Variants in SLIT1 observed in about 807,000 individuals in gnomAD.
The protein encoded by SLIT1 is slit homolog 1 protein.
In SLIT1, 66 loss-of-function variants were observed where a neutral mutation model predicts 186.1. The ratio of observed to expected loss-of-function variants is 0.35; its 90% CI spans 0.29 to 0.44. The LOEUF (loss-of-function observed/expected upper bound fraction) is 0.44, where lower values mean the gene tolerates loss of function less well. Among genes scored for constraint, SLIT1 ranks in the 20% least tolerant of loss-of-function variants. The pLI is 1.00. For missense variants in SLIT1, 1,638 were observed against 2,037.4 expected, an observed-to-expected ratio of 0.80 and a Z score of 3.77; for synonymous variants, 761 against 833.8, an observed-to-expected ratio of 0.91 and a Z score of 1.50.
intron 4 of SLIT1, 100 bp downstream of exon 4, chr10:97,157,718 T>C: frequency 1.1e-6 from 1 of 871,668 alleles, no homozygotes; most frequent in Non-Finnish European, 1.9e-6. Context: ...AGGGTCAGGG[T>C]CATGGGAATA....
Position 97,014,072 on chromosome 10 carries a change from A to T in SLIT1, c.3056T>A (p.Val1019Asp). The change falls in exon 29 of 37, where the codon GTC becomes GAC. Residue 1019 changes from valine (V) to aspartate (D), a missense_variant. By Grantham distance (152) the Val-to-Asp change is radical. Coordinates refer to ENST00000266058, the MANE Select transcript of SLIT1 (RefSeq NM_003061.3). ...CVDHACANGGVCVDGVGNYTC... is the reference protein window; with the variant it reads ...CVDHACANGGDCVDGVGNYTC... Reference sequence around the variant, plus strand: ...GTAGTTGCCCACACCATCCACACAGACGCCCCCATTGGCACAGGCATGATC... The same window carrying T: ...GTAGTTGCCCACACCATCCACACAGTCGCCCCCATTGGCACAGGCATGATC... The T allele has an allele frequency of 6.2e-7, 1 of 1,613,406 alleles. No individual in the cohort carries two copies. Among genetic ancestry groups the T allele is most frequent in the Non-Finnish European group, 8.5e-7 (1 of 1,179,862 alleles).
intron 4 of SLIT1, among the ~76,000 whole-genome samples, chr10:97,151,555 G>A (rs1404960085): frequency 6.6e-6 from 1 of 151,618 alleles, no homozygotes; most frequent in Non-Finnish European, 1.5e-5. Context: ...GGCAGTGGTT[G>A]ATAACTAGGT....
chr10:97,180,567 G>C (rs1850322567), intron 1 of SLIT1, among the ~76,000 whole-genome samples: 1 of 152,216 alleles, frequency 6.6e-6, no homozygotes, highest in African/African-American at 2.4e-5. Context: ...TTGAATGAGG[G>C]AATTAAACCC....
rs112255943 is a variant in SLIT1 at position 97,078,841 on chromosome 10, C to T, written c.414-12755G>A. Among the ~76,000 whole-genome samples the T allele has an allele frequency of 4.3e-3, 649 of 152,312 alleles. 2 individuals are homozygous for T. Among genetic ancestry groups the T allele is most frequent in the African/African-American group, 0.015 (605 of 41,582 alleles). On this transcript the variant is annotated intron_variant, in intron 4 of 36. Coordinates refer to ENST00000266058, the MANE Select transcript of SLIT1 (RefSeq NM_003061.3). ...GTGCTGGGCGCGGAGACCTTGGAGG[C>T]CCCTGGTGACCTGCTAGTCCTGGGC...
At chr10:97,155,709 C>T (rs1300484203) in intron 4 of SLIT1, among the ~76,000 whole-genome samples, 1 of 152,078 alleles carries the variant, frequency 6.6e-6, no homozygotes, top group African/African-American at 2.4e-5. Context: ...GGAGAAGGGA[C>T]CCAAGTAGGC....
chr10:97,048,899 G>A (rs1172960940), intron 14 of SLIT1, 56 bp downstream of exon 14: 1 of 1,539,550 alleles, frequency 6.5e-7, no homozygotes, highest in Non-Finnish European at 8.8e-7. Context: ...AGGCCGGTGG[G>A]CAGGTGGGCA....
chr10:97,115,974 A>G (rs115832610), intron 4 of SLIT1, among the ~76,000 whole-genome samples: 2,230 of 152,326 alleles, frequency 0.015, 49 homozygotes, highest in African/African-American at 0.05. Flanking sequence ...CAGGGGGCCG[A>G]GTTGACAGAG....
At chr10:97,007,883 C>T (rs546941489) in intron 31 of SLIT1, among the ~76,000 whole-genome samples, 1 of 151,624 alleles carries the variant, frequency 6.6e-6, no homozygotes, top group South Asian at 2.1e-4. Flanking sequence ...TTAGGAACAA[C>T]ACAAGGATAT....
chr10:97,183,971 C>T (rs1038415425), intron 1 of SLIT1, among the ~76,000 whole-genome samples: 1 of 151,606 alleles, frequency 6.6e-6, no homozygotes, highest in Non-Finnish European at 1.5e-5. Flanking sequence ...ACCACCTCTC[C>T]CCAGCCCTGT....
At position 97,021,122 on chromosome 10, in the gene SLIT1, C is replaced by A. The variant is rs1166249574; in HGVS notation, c.2746+128G>T. 1.2e-6 allele frequency: 1 copy of A among 812,962 alleles called. No homozygotes were observed. Among genetic ancestry groups the A allele is most frequent in the Non-Finnish European group, 1.8e-6 (1 of 542,228 alleles). The allele number at this position is 812,962 out of a possible 1,614,324, so 50.4% of individuals were successfully genotyped here. On this transcript the variant is annotated intron_variant, in intron 26 of 36. Transcript: ENST00000266058. The surrounding 1 kb of genome is among the most constrained non-coding windows in gnomAD (Gnocchi z 4.5). ...GAAGGCAGCCATCAAGCCGCAGGTG[C>A]CTTGTTCCTGTCCCCTGACCCCCCG...
chr10:97,033,365 CA>C (rs1453659802), intron 23 of SLIT1, among the ~76,000 whole-genome samples: 1 of 152,126 alleles, frequency 6.6e-6, no homozygotes, highest in African/African-American at 2.4e-5. Flanking sequence ...ACACACCAGG[CA>C]AATATAAGGG....
chr10:97,172,142 A>C (rs1850198512), intron 1 of SLIT1, among the ~76,000 whole-genome samples: 1 of 151,816 alleles, frequency 6.6e-6, no homozygotes, highest in Non-Finnish European at 1.5e-5. Flanking sequence ...TCCCAGGTTC[A>C]AGCTATTCTC....
intron 1 of SLIT1, among the ~76,000 whole-genome samples, chr10:97,182,149 C>A (rs928537267): frequency 6.6e-6 from 1 of 152,228 alleles, no homozygotes; most frequent in Non-Finnish European, 1.5e-5. Flanking sequence ...AGCCCCACAG[C>A]CCCTCTGGCT....
At chr10:97,049,174 C>A (rs1447327162) in intron 13 of SLIT1, 56 bp from the exon 14 acceptor site, 13 of 1,571,270 alleles carry the variant, frequency 8.3e-6, no homozygotes, top group South Asian at 2.4e-5. Context: ...CCCGCGCTGA[C>A]CTCCACCGGG....
chr10:97,033,927 C>T (rs1037827068), intron 23 of SLIT1, among the ~76,000 whole-genome samples: 2 of 149,420 alleles, frequency 1.3e-5, no homozygotes, highest in African/African-American at 2.5e-5. Flanking sequence ...TGCAATGGCA[C>T]GATCTTGGCT....
chr10:97,152,392 AG>A (rs1849891026), intron 4 of SLIT1, among the ~76,000 whole-genome samples: 1 of 152,216 alleles, frequency 6.6e-6, no homozygotes, highest in South Asian at 2.1e-4. Context: ...GTCCAGGTGC[AG>A]GTCACGCTGG....
At position 97,031,697 on chromosome 10, in the gene SLIT1, A is replaced by C; in HGVS notation, c.2439-20T>G. ...AGGATCCTGCGGAGGAAGGAGATGG[A>C]GGAAGGGCACTGTGTTAGTGCCTGG... On this transcript the variant is annotated intron_variant, in intron 23 of 36. Transcript: ENST00000266058. The C allele has an allele frequency of 6.5e-7, 1 of 1,546,282 alleles. No homozygotes were observed. Among genetic ancestry groups the C allele is most frequent in the Non-Finnish European group, 8.7e-7 (1 of 1,143,334 alleles).
rs555714979 is a variant in SLIT1 at position 97,034,967 on chromosome 10, T to C, written c.2367-425A>G. ...CTATGAGGGAGAGGGCAGCCCCATTTGACAAAGACCCAGAGTCTCAGAGGG... is the reference window on the plus strand; with the variant it reads ...CTATGAGGGAGAGGGCAGCCCCATTCGACAAAGACCCAGAGTCTCAGAGGG... On this transcript the variant is annotated intron_variant, in intron 22 of 36. Coordinates refer to ENST00000266058, the MANE Select transcript of SLIT1 (RefSeq NM_003061.3). Among the ~76,000 whole-genome samples the C allele has an allele frequency of 2.0e-5, 3 of 152,264 alleles. No individual in the cohort carries two copies. The East Asian group carries it at 5.8e-4, about 29-fold the overall frequency.
At chr10:97,146,584 T>A (rs1849821070) in intron 4 of SLIT1, among the ~76,000 whole-genome samples, 3 of 134,416 alleles carry the variant, frequency 2.2e-5, no homozygotes, top group Non-Finnish European at 5.0e-5. Context: ...CACCTCCCAG[T>A]AGATTTTATT....
Sources: gnomAD v4.1 joint callset for allele counts (sites outside exome capture counted in the v4.1 genomes callset) on GRCh38, gnomAD v4.1.1 for gene constraint, Gnocchi (gnomAD v3.1) non-coding constraint, MANE v1.5 for transcripts, NCBI Gene and HGNC (gene_info 2026-07-23, HGNC 2026-07-21) for gene names.